AMD1: variants seen among roughly 807,000 people sequenced by gnomAD.
The protein encoded by AMD1 is adenosylmethionine decarboxylase 1, also known as S-adenosylmethionine decarboxylase proenzyme.
A neutral mutation model predicts 40.2 loss-of-function variants in AMD1; 11 were observed. The ratio of observed to expected loss-of-function variants is 0.27; its 90% CI spans 0.17 to 0.45. AMD1 has a LOEUF of 0.45. Among genes scored for constraint, AMD1 ranks in the 20% least tolerant of loss-of-function variants. AMD1 has a pLI of 1.00. For missense variants in AMD1, 257 were observed against 410.2 expected (o/e 0.63, Z 3.23); for synonymous variants, 121 against 130.8 (o/e 0.93, Z 0.51).
upstream of AMD1, among the ~76,000 whole-genome samples, chr6:110,873,116 G>A (rs1219838514): frequency 6.6e-6 from 1 of 152,158 alleles, no homozygotes; most frequent in Non-Finnish European, 1.5e-5. Context: ...TGGCCTCCCA[G>A]CACTTTGGGA....
the AMD1 span, among the ~76,000 whole-genome samples, chr6:110,831,051 A>AT: frequency 6.6e-6 from 1 of 151,700 alleles, no homozygotes; most frequent in Non-Finnish European, 1.5e-5. Flanking sequence ...TTGCTCTGTT[A>AT]TTTTCTCTGA....
At chr6:110,834,601 T>C in the AMD1 span, among the ~76,000 whole-genome samples, 1 of 152,028 alleles carries the variant, frequency 6.6e-6, no homozygotes, top group African/African-American at 2.4e-5. Flanking sequence ...GGCAGGAAGA[T>C]TGCTTGAGCT....
chr6:110,883,749 G>A (rs963397420), intron 1 of AMD1, among the ~76,000 whole-genome samples: 8 of 151,802 alleles, frequency 5.3e-5, no homozygotes, highest in Non-Finnish European at 7.4e-5. Flanking sequence ...CCGCCACCAT[G>A]CCCAGCTAAT....
intron 1 of AMD1, among the ~76,000 whole-genome samples, chr6:110,880,156 C>CA (rs1785323581): frequency 6.6e-6 from 1 of 152,106 alleles, no homozygotes; most frequent in Non-Finnish European, 1.5e-5. Flanking sequence ...AGGGTTTCGC[C>CA]ATGTTGGCTA....
chr6:110,867,722 A>T, the AMD1 span, among the ~76,000 whole-genome samples: 136 of 152,340 alleles, frequency 8.9e-4, no homozygotes, highest in Non-Finnish European at 1.6e-3. Flanking sequence ...AGTTAAAAAA[A>T]TTTCAAAAGA....
In AMD1 at chr6:110,875,027, C is replaced by T. The variant is rs1303940733; in HGVS notation, c.-79C>T. 8.1e-6 allele frequency: 9 copies of T among 1,115,200 alleles called. No homozygotes were observed. Among genetic ancestry groups the T allele is most frequent in the South Asian group, 1.3e-5 (1 of 75,292 alleles). The allele number at this position is 1,115,200 out of a possible 1,614,324, so 69.1% of individuals were successfully genotyped here. A position where few individuals can be genotyped will look rare whatever the true frequency, so the allele number is the denominator to read the frequency against. ...GTAACACAGCTGGAACAATCCGCAGCGGCGGCGGCAGCGGCGGGAGAAGAG... is the reference window on the plus strand; with the variant it reads ...GTAACACAGCTGGAACAATCCGCAGTGGCGGCGGCAGCGGCGGGAGAAGAG... On this transcript the variant is annotated 5_prime_UTR_variant, in exon 1 of 9. Coordinates refer to ENST00000368885, the MANE Select transcript of AMD1 (RefSeq NM_001634.6).
At chr6:110,873,019 A>G (rs1583206395), upstream of AMD1, among the ~76,000 whole-genome samples, 1 of 152,224 alleles carries the variant, frequency 6.6e-6, no homozygotes, top group Non-Finnish European at 1.5e-5. Flanking sequence ...TTTTATCATT[A>G]TAAAATAAGC....
At chr6:110,828,700 T>C in the AMD1 span, among the ~76,000 whole-genome samples, 1 of 152,190 alleles carries the variant, frequency 6.6e-6, no homozygotes, top group African/African-American at 2.4e-5. Context: ...AAGTCAAATT[T>C]GAATCTGGAG....
the AMD1 span, among the ~76,000 whole-genome samples, chr6:110,823,906 AT>A: frequency 6.6e-6 from 1 of 152,206 alleles, no homozygotes; most frequent in African/African-American, 2.4e-5. Context: ...ATGCTCACAG[AT>A]TAGAAGAATC....
At chr6:110,845,304 G>T in the AMD1 span, among the ~76,000 whole-genome samples, 5 of 151,920 alleles carry the variant, frequency 3.3e-5, no homozygotes, top group African/African-American at 1.2e-4. Context: ...TTCTCAAAGT[G>T]TTGGGATTAC....
chr6:110,831,312 A>G, the AMD1 span, among the ~76,000 whole-genome samples: 4 of 151,638 alleles, frequency 2.6e-5, no homozygotes, highest in Non-Finnish European at 4.4e-5. Context: ...GGTGGCAGGC[A>G]CCTGTAATCC....
intron 1 of AMD1, 41 bp downstream of exon 1, chr6:110,875,256 C>G (rs1400764495): frequency 6.7e-7 from 1 of 1,496,110 alleles, no homozygotes; most frequent in Admixed American, 1.9e-5. Context: ...GGCCTGGGGG[C>G]TGTCGCCGCC....
chr6:110,860,828 C>CA, the AMD1 span, among the ~76,000 whole-genome samples: 66 of 116,060 alleles, frequency 5.7e-4, no homozygotes, highest in African/African-American at 2.1e-3. Flanking sequence ...AAACAAAACA[C>CA]CCACCCACAC....
intron 2 of AMD1, among the ~76,000 whole-genome samples, chr6:110,888,122 A>C (rs1785800040): frequency 1.3e-5 from 2 of 152,210 alleles, no homozygotes; most frequent in African/African-American, 4.8e-5. Flanking sequence ...ATTGGTAAAG[A>C]AGGACCTCTT....
the AMD1 span, among the ~76,000 whole-genome samples, chr6:110,837,726 AAAAAAAAAAAAAAAAAAAAAT>A: frequency 3.2e-5 from 3 of 93,794 alleles, no homozygotes; most frequent in African/African-American, 1.4e-4. Context: ...AAAAAAAAAA[AAAAAAAAAAAAAAAAAAAAAT>A]ATATATATAT....
Position 110,887,584 on chromosome 6 carries a change from G to A in AMD1, c.190G>A (p.Val64Ile). The A allele has an allele frequency of 6.2e-7, 1 of 1,604,292 alleles. No homozygotes were observed. The highest frequency in any genetic ancestry group is 8.5e-7 in the Non-Finnish European group (1 of 1,176,220). Residue 64 changes from valine (V) to isoleucine (I), a missense_variant, in exon 2 of 9, where the codon GTA becomes ATA. Coordinates refer to ENST00000368885, the MANE Select transcript of AMD1 (RefSeq NM_001634.6). ...VTKTDKQEAY[V>I]LSESSMFVSK... is the part of the protein sequence containing the mutation. ...AAAAACTGACAAGCAGGAAGCTTAT[G>A]TACTCAGGTAAGTCCTGTAAAACAA...
the AMD1 span, among the ~76,000 whole-genome samples, chr6:110,864,659 T>C: frequency 6.6e-6 from 1 of 152,164 alleles, no homozygotes; most frequent in South Asian, 2.1e-4. Context: ...ACCCCAACAA[T>C]AGTGATTAAT....
the AMD1 span, among the ~76,000 whole-genome samples, chr6:110,862,199 A>G: frequency 6.6e-6 from 1 of 151,702 alleles, no homozygotes; most frequent in Non-Finnish European, 1.5e-5. Flanking sequence ...TTGTAGAGAT[A>G]GAGTCTCATT....
the AMD1 span, among the ~76,000 whole-genome samples, chr6:110,849,643 A>G: frequency 7.0e-4 from 106 of 152,288 alleles, no homozygotes; most frequent in East Asian, 0.02. Context: ...AAACCTCTTT[A>G]CACTGTTTCT....
Sources: allele counts gnomAD v4.1 joint callset (sites outside exome capture counted in the v4.1 genomes callset), GRCh38; gene constraint gnomAD v4.1.1; transcripts MANE v1.5; gene names NCBI Gene and HGNC (gene_info 2026-07-23, HGNC 2026-07-21).